The following SCUBE2 variants were observed in gnomAD, a reference collection of about 807,000 sequenced individuals.
The protein encoded by SCUBE2 is signal peptide, CUB domain and EGF like domain containing 2, also known as signal peptide, CUB and EGF-like domain-containing protein 2.
In SCUBE2, 114 loss-of-function variants were observed where a neutral mutation model predicts 125.9. The ratio of observed to expected loss-of-function variants is 0.91; its 90% CI spans 0.78 to 1.06. SCUBE2 has a LOEUF of 1.06. Among genes scored for constraint, SCUBE2 ranks in the 50% least tolerant of loss-of-function variants. The pLI, the probability that SCUBE2 is intolerant of heterozygous loss-of-function variation, is 0.00. For synonymous variants in SCUBE2, 459 were observed against 492.9 expected, an observed-to-expected ratio of 0.93 and a Z score of 0.91; for missense variants, 1,255 against 1,301.8, an observed-to-expected ratio of 0.96 and a Z score of 0.55.
chr11:9,088,253 C>A (rs12793006), intron 2 of SCUBE2, among the ~76,000 whole-genome samples: 107 of 152,300 alleles, frequency 7.0e-4, no homozygotes, highest in African/African-American at 2.3e-3. Context: ...TTCGGGAGGC[C>A]GAGGCCAGTG....
At chr11:9,061,064 C>T (rs1314281759) in intron 7 of SCUBE2, among the ~76,000 whole-genome samples, 1 of 152,140 alleles carries the variant, frequency 6.6e-6, no homozygotes, top group East Asian at 1.9e-4. Flanking sequence ...CCTGTCATAA[C>T]CACGTGAAAA....
At chr11:9,026,924 G>A (rs962403140) in intron 20 of SCUBE2, 1 of 177,654 alleles carries the variant, frequency 5.6e-6, no homozygotes, top group Non-Finnish European at 1.2e-5. Context: ...TCATTACACT[G>A]CCCATAAGCT....
intron 2 of SCUBE2, among the ~76,000 whole-genome samples, chr11:9,081,565 A>G (rs1356221604): frequency 2.0e-5 from 3 of 152,116 alleles, no homozygotes; most frequent in African/African-American, 7.2e-5. Flanking sequence ...CATGCCTGTA[A>G]TCTCAGCCAC....
chr11:9,074,705 T>G, intron 3 of SCUBE2, 90 bp from the exon 4 acceptor site: 1 of 1,464,366 alleles, frequency 6.8e-7, no homozygotes, highest in Non-Finnish European at 9.5e-7. Flanking sequence ...TAAGCAAAGA[T>G]GAGGTTCCTC....
rs1178878680 is a variant in SCUBE2, at chr11:9,020,202, C to A, written c.*843G>T. On this transcript the variant is annotated 3_prime_UTR_variant, in exon 23 of 23. Coordinates refer to ENST00000649792, the MANE Select transcript of SCUBE2 (RefSeq NM_001367977.2). ...ACCGACTCAGGGTTGGTGAAATCGC[C>A]TTTTCATGACAATTGATGATTCTCA... Among the ~76,000 whole-genome samples the A allele has an allele frequency of 6.6e-6, 1 of 152,160 alleles. No individual in the cohort carries two copies. The highest frequency in any genetic ancestry group is 1.5e-5 in the Non-Finnish European group (1 of 68,044).
In SCUBE2 at chr11:9,091,365, G is replaced by T. The variant is rs770786255; in HGVS notation, c.133+31C>A. ...CACTCTTCCTGGCCCTGCCTGCTGT[G>T]CCAGGTGCGCCCCCGCGGCCGGACA... is the stretch of plus-strand genomic sequence containing the variant. On this transcript the variant is annotated intron_variant, in intron 1 of 22. Transcript: ENST00000649792. This position sits in a 1 kb window ranked among gnomAD's most constrained non-coding sequence, Gnocchi z 8.5. 3.9e-6 allele frequency: 5 copies of T among 1,296,840 alleles called. No individual in the cohort carries two copies. The highest frequency in any genetic ancestry group is 3.9e-6 in the Non-Finnish European group (4 of 1,026,452). 80.3% of individuals were successfully genotyped at this position (1,296,840 alleles called of 1,614,324 possible).
chr11:9,072,354 G>A (rs894862194), intron 4 of SCUBE2, among the ~76,000 whole-genome samples: 5 of 152,100 alleles, frequency 3.3e-5, no homozygotes, highest in East Asian at 3.9e-4. Flanking sequence ...GACTAGAGGC[G>A]CCCACCACCA....
chr11:9,052,182 T>C (rs1858486019), intron 13 of SCUBE2, among the ~76,000 whole-genome samples: 1 of 152,240 alleles, frequency 6.6e-6, no homozygotes. Context: ...TGTACTGTCT[T>C]GCTTTGAGTC....
chr11:9,044,541 A>G (rs1314084401), intron 16 of SCUBE2, among the ~76,000 whole-genome samples: 1 of 152,106 alleles, frequency 6.6e-6, no homozygotes. Flanking sequence ...CTATTTTTTT[A>G]AAAAGATATA....
rs1206202701 is a variant in SCUBE2 at position 9,047,417 on chromosome 11, T to A, written c.1941A>T (p.Arg647Ser). The A allele has an allele frequency of 5.0e-6, 8 of 1,614,156 alleles. No homozygotes were observed. Among genetic ancestry groups the A allele is most frequent in the Non-Finnish European group, 6.8e-6 (8 of 1,180,030 alleles). The change falls in exon 16 of 23, where the codon AGA becomes AGT. Residue 647 changes from arginine (R) to serine (S), a missense_variant. Arg to Ser is a moderately radical substitution (Grantham distance 110). This residue lies in a region of SCUBE2 where 515 missense variants were observed against 515.7 expected (regional missense o/e 1.00). Transcript: ENST00000649792. ...MNLDVAKKPP[R>S]TSERQAESCG... ...AGGACTCTGCCTGGCGTTCAGATGT[T>A]CTGGGAGGCTTTTTAGCCACGTCGA...
intron 5 of SCUBE2, 79 bp from the exon 6 acceptor site, chr11:9,066,892 G>T (rs1860294706): frequency 3.3e-6 from 4 of 1,220,396 alleles, no homozygotes; most frequent in South Asian, 1.2e-5. Context: ...GAGAAATTCT[G>T]ATTTTCATTC....
In SCUBE2 at chr11:9,021,942, T is replaced by A. The variant is rs757661901; in HGVS notation, c.2868A>T (p.Glu956Asp). The change falls in exon 22 of 23, where the codon GAA becomes GAT. Residue 956 changes from glutamate (E) to aspartate (D), a missense_variant. Transcript: ENST00000649792. ...PYVTYDEDYQELIEDIVRDGR... is the reference protein window; with the variant it reads ...PYVTYDEDYQDLIEDIVRDGR... ...CATCTCGAACTATGTCTTCAATGAGTTCCTGGTAGTCCTCTGTTGGAATAA... is the reference window on the plus strand; with the variant it reads ...CATCTCGAACTATGTCTTCAATGAGATCCTGGTAGTCCTCTGTTGGAATAA... 1 of 1,612,688 alleles carries A rather than the reference T, an allele frequency of 6.2e-7. No homozygotes were observed. The highest frequency in any genetic ancestry group is 8.5e-7 in the Non-Finnish European group (1 of 1,178,682).
At chr11:9,071,332 AATGCCTGT>A (rs927476804) in intron 4 of SCUBE2, among the ~76,000 whole-genome samples, 2 of 152,184 alleles carry the variant, frequency 1.3e-5, no homozygotes, top group African/African-American at 4.8e-5. Context: ...ATTTCGTAAG[AATGCCTGT>A]ATGCCAGATG....
At chr11:9,025,186 A>G (rs999691845) in intron 21 of SCUBE2, among the ~76,000 whole-genome samples, 6 of 152,208 alleles carry the variant, frequency 3.9e-5, no homozygotes, top group Admixed American at 6.5e-5. Context: ...CCAAGATCCC[A>G]CAGTGAGTCA....
chr11:9,053,792 C>T, intron 10 of SCUBE2, 33 bp from the exon 11 acceptor site: 2 of 1,600,880 alleles, frequency 1.2e-6, no homozygotes, highest in Non-Finnish European at 1.7e-6. Flanking sequence ...GTCATAGCAG[C>T]CTGTCACTGA....
chr11:9,048,245 A>G lies in SCUBE2; in HGVS notation c.1640-147T>C. On this transcript the variant is annotated intron_variant, in intron 14 of 22. Coordinates refer to ENST00000649792, the MANE Select transcript of SCUBE2 (RefSeq NM_001367977.2). The stretch of plus-strand genomic sequence containing the variant: ...GATGCCAAGACACTGCAAGCCCTTA[A>G]CTTGGAGCACAACGACATTTTAATG... 6 of 700,786 alleles carry G rather than the reference A, an allele frequency of 8.6e-6. No individual in the cohort carries two copies. In the South Asian group the frequency reaches 1.6e-4, roughly 19 times the overall value. The allele number at this position is 700,786 out of a possible 1,614,324, so 43.4% of individuals were successfully genotyped here.
Position 9,030,892 on chromosome 11 carries a change from C to T in SCUBE2, c.2207G>A (p.Gly736Asp). 1 of 1,614,040 alleles carries T rather than the reference C, an allele frequency of 6.2e-7. No individual in the cohort carries two copies. Among genetic ancestry groups the T allele is most frequent in the Non-Finnish European group, 8.5e-7 (1 of 1,179,978 alleles). Residue 736 changes from glycine to aspartate, a missense_variant, in exon 18 of 23, where the codon GGC becomes GAC. By Grantham distance (94) the Gly-to-Asp change is moderately conservative. Transcript: ENST00000649792. ...GGCACAGAGCTGGCAAGGTGCAAAGCCATCTGCAGAATATTCACCAGGTTG... is the reference window on the plus strand; with the variant it reads ...GGCACAGAGCTGGCAAGGTGCAAAGTCATCTGCAGAATATTCACCAGGTTG... The part of the protein sequence containing the change: ...LCQPGEYSAD[G>D]FAPCQLCALG...
chr11:9,082,119 C>T (rs1017481902), intron 2 of SCUBE2, among the ~76,000 whole-genome samples: 6 of 152,156 alleles, frequency 3.9e-5, no homozygotes, highest in African/African-American at 1.4e-4. Context: ...GGCTTATTGT[C>T]CATTTGCATA....
chr11:9,086,574 C>A (rs113748485), intron 2 of SCUBE2, among the ~76,000 whole-genome samples: 1 of 151,426 alleles, frequency 6.6e-6, no homozygotes, highest in South Asian at 2.1e-4. Context: ...ACATCCTGGC[C>A]GGGCGCAGTG....
Sources: gnomAD v4.1 joint callset for allele counts (sites outside exome capture counted in the v4.1 genomes callset) on GRCh38, gnomAD v4.1.1 for gene constraint, gnomAD v4.1.1 regional missense constraint, Gnocchi (gnomAD v3.1) non-coding constraint, MANE v1.5 for transcripts, NCBI Gene and HGNC (gene_info 2026-07-23, HGNC 2026-07-21) for gene names.